The following SUCLG2 variants were observed in gnomAD, a reference collection of about 807,000 sequenced individuals.
SUCLG2 encodes the protein succinate--CoA ligase [GDP-forming] subunit beta, mitochondrial.
In SUCLG2, 42 loss-of-function variants were observed where a neutral mutation model predicts 47.9. That is an observed-to-expected ratio of 0.88 (90% CI 0.69 to 1.14). SUCLG2 has a LOEUF of 1.14. Among genes scored for constraint, SUCLG2 ranks in the 50% most tolerant of loss-of-function variants. SUCLG2 has a pLI of 0.00. For synonymous variants in SUCLG2, 195 were observed against 197.3 expected (o/e 0.99, Z 0.10); for missense variants, 571 against 525.9 (o/e 1.09, Z -0.84).
At chr3:67,581,478 G>A (rs1413919673) in intron 2 of SUCLG2, among the ~76,000 whole-genome samples, 1 of 152,156 alleles carries the variant, frequency 6.6e-6, no homozygotes, top group Non-Finnish European at 1.5e-5. Flanking sequence ...GTATTTTTTA[G>A]AAGAGGAGGG....
intron 10 of SUCLG2, among the ~76,000 whole-genome samples, chr3:67,387,286 G>T (rs976155093): frequency 2.6e-5 from 4 of 152,158 alleles, no homozygotes; most frequent in Non-Finnish European, 5.9e-5. Flanking sequence ...GAGTGCATCA[G>T]TATTGGTGTA....
intron 2 of SUCLG2, among the ~76,000 whole-genome samples, chr3:67,555,804 G>T (rs1490107708): frequency 6.6e-6 from 1 of 152,158 alleles, no homozygotes; most frequent in African/African-American, 2.4e-5. Context: ...AAGACTGGTG[G>T]GTGGAAGGTA....
chr3:67,421,375 CA>C (rs546550743), intron 9 of SUCLG2, among the ~76,000 whole-genome samples: 3 of 152,110 alleles, frequency 2.0e-5, no homozygotes, highest in African/African-American at 7.2e-5. Context: ...CCTCTCTCAG[CA>C]AAAAAACAAT....
intron 2 of SUCLG2, among the ~76,000 whole-genome samples, chr3:67,571,734 C>G (rs1707616840): frequency 6.6e-6 from 1 of 152,168 alleles, no homozygotes; most frequent in Non-Finnish European, 1.5e-5. Flanking sequence ...TTTGCACTGA[C>G]TAGATTACTG....
At chr3:67,369,568 G>A (rs958136961) in intron 10 of SUCLG2, among the ~76,000 whole-genome samples, 7 of 152,178 alleles carry the variant, frequency 4.6e-5, no homozygotes, top group East Asian at 1.9e-4. Context: ...TGTGTGTAGC[G>A]GGGAGGAAAG....
chr3:67,379,049 C>A (rs1475491990), intron 10 of SUCLG2, among the ~76,000 whole-genome samples: 1 of 152,130 alleles, frequency 6.6e-6, no homozygotes, highest in African/African-American at 2.4e-5. Context: ...CTGGTTCAAG[C>A]AATTCTCCTG....
chr3:67,485,319 G>C (rs1228503756), intron 9 of SUCLG2, among the ~76,000 whole-genome samples: 2 of 152,028 alleles, frequency 1.3e-5, no homozygotes, highest in Non-Finnish European at 2.9e-5. Flanking sequence ...TACCCCCAAA[G>C]CTTTTCTTTT....
At chr3:67,400,038 A>G (rs1702647237) in intron 10 of SUCLG2, among the ~76,000 whole-genome samples, 1 of 152,058 alleles carries the variant, frequency 6.6e-6, no homozygotes, top group East Asian at 1.9e-4. Context: ...ACAAACAAAC[A>G]AACGGACAAA....
chr3:67,372,020 G>A (rs1051425588), downstream of SUCLG2, among the ~76,000 whole-genome samples: 11 of 152,156 alleles, frequency 7.2e-5, no homozygotes, highest in Non-Finnish European at 1.3e-4. Context: ...TGAAAGTAAC[G>A]CATCCTAATA....
At chr3:67,527,287 C>G (rs766502151) in intron 4 of SUCLG2, among the ~76,000 whole-genome samples, 1 of 152,156 alleles carries the variant, frequency 6.6e-6, no homozygotes, top group Non-Finnish European at 1.5e-5. Flanking sequence ...AATGCAGGAC[C>G]CTAATTCGCT....
intron 9 of SUCLG2, among the ~76,000 whole-genome samples, chr3:67,473,261 C>T (rs919342619): frequency 6.6e-6 from 1 of 152,082 alleles, no homozygotes; most frequent in African/African-American, 2.4e-5. Context: ...CCCACTACAG[C>T]CTTGACCTCC....
intron 1 of SUCLG2, among the ~76,000 whole-genome samples, chr3:67,612,401 T>TA (rs1700545140): frequency 7.0e-6 from 1 of 143,552 alleles, no homozygotes; most frequent in Admixed American, 6.8e-5. Context: ...AAGTATAATT[T>TA]ATGTTTACTT....
At chr3:67,422,344 G>A (rs1333826958) in intron 9 of SUCLG2, among the ~76,000 whole-genome samples, 4 of 150,936 alleles carry the variant, frequency 2.7e-5, no homozygotes, top group Admixed American at 6.6e-5. Flanking sequence ...GCATGGTGGT[G>A]TGCGCCTGTA....
intron 1 of SUCLG2, among the ~76,000 whole-genome samples, chr3:67,629,571 A>G (rs1700891650): frequency 6.6e-6 from 1 of 152,184 alleles, no homozygotes; most frequent in Non-Finnish European, 1.5e-5. Context: ...GAGTTTAATC[A>G]AGGTTTCATT....
chr3:67,387,917 G>A (rs1449601752), intron 10 of SUCLG2, among the ~76,000 whole-genome samples: 1 of 151,666 alleles, frequency 6.6e-6, no homozygotes, highest in Admixed American at 6.6e-5. Flanking sequence ...GCATTAAGGA[G>A]GATCAAGAGA....
intron 9 of SUCLG2, among the ~76,000 whole-genome samples, chr3:67,449,554 C>CTTTT (rs67128516): frequency 2.0e-5 from 3 of 147,934 alleles, no homozygotes; most frequent in African/African-American, 7.5e-5. Context: ...ATACCTCTGC[C>CTTTT]TTTTTTTTTT....
At chr3:67,437,090 G>A (rs1230480054) in intron 9 of SUCLG2, among the ~76,000 whole-genome samples, 2 of 152,106 alleles carry the variant, frequency 1.3e-5, no homozygotes, top group Non-Finnish European at 1.5e-5. Context: ...CTTCTAGTAT[G>A]TTTCTGGGAG....
At chr3:67,478,548 A>G (rs972276537) in intron 9 of SUCLG2, among the ~76,000 whole-genome samples, 3 of 152,234 alleles carry the variant, frequency 2.0e-5, no homozygotes, top group Non-Finnish European at 2.9e-5. Context: ...CCCTTCAACA[A>G]TTCCTTGATC....
At chr3:67,615,621 AACACAC>A (rs60992383) in intron 1 of SUCLG2, among the ~76,000 whole-genome samples, 49 of 142,168 alleles carry the variant, frequency 3.4e-4, no homozygotes, top group East Asian at 3.1e-3. Context: ...CACAAACACA[AACACAC>A]ACACACACAC....
Sources: gnomAD v4.1 joint callset for allele counts (sites outside exome capture counted in the v4.1 genomes callset) on GRCh38, gnomAD v4.1.1 for gene constraint, MANE v1.5 for transcripts, NCBI Gene and HGNC (gene_info 2026-07-23, HGNC 2026-07-21) for gene names.